The following STX8 variants were observed in gnomAD, a reference collection of about 807,000 sequenced individuals.
STX8 encodes the protein syntaxin-8.
Under a neutral mutation model 37.5 loss-of-function variants are expected in STX8, and 23 were observed. The observed-to-expected ratio is 0.61, with a 90% confidence interval of 0.44 to 0.87. The LOEUF is 0.87. Among genes scored for constraint, STX8 ranks in the 40% least tolerant of loss-of-function variants. The pLI is 0.00. For missense variants in STX8, 313 were observed against 284.7 expected (o/e 1.10, Z -0.71); for synonymous variants, 115 against 99.1 (o/e 1.16, Z -0.95).
intron 6 of STX8, among the ~76,000 whole-genome samples, chr17:9,474,381 C>G (rs529210712): frequency 4.0e-4 from 61 of 152,008 alleles, no homozygotes; most frequent in African/African-American, 1.4e-3. Flanking sequence ...CAGTTTTTTT[C>G]TTTCTTTTTG....
At chr17:9,325,865 G>A (rs3895790) in intron 7 of STX8, among the ~76,000 whole-genome samples, 60 of 152,362 alleles carry the variant, frequency 3.9e-4, no homozygotes, top group African/African-American at 1.3e-3. Context: ...CAGGTGCAAT[G>A]ACTCTGGAGT....
chr17:9,351,249 C>CCAGG (rs1285033261), intron 7 of STX8, among the ~76,000 whole-genome samples: 1 of 148,566 alleles, frequency 6.7e-6, no homozygotes, highest in African/African-American at 2.5e-5. Flanking sequence ...TCTCTGCCTC[C>CCAGG]CAGGTTCAGG....
intron 4 of STX8, among the ~76,000 whole-genome samples, chr17:9,523,469 T>C (rs192167893): frequency 9.3e-5 from 14 of 151,282 alleles, no homozygotes; most frequent in Admixed American, 7.2e-4. Flanking sequence ...TATGAGGGAG[T>C]TGGTGTTCCT....
At chr17:9,306,449 A>G (rs1360436704) in intron 7 of STX8, among the ~76,000 whole-genome samples, 2 of 152,032 alleles carry the variant, frequency 1.3e-5, no homozygotes, top group Non-Finnish European at 2.9e-5. Flanking sequence ...TAAATACTCA[A>G]AATAAAAAAC....
At chr17:9,369,904 AAAAAAAGAAAG>A in intron 7 of STX8, among the ~76,000 whole-genome samples, 1 of 147,078 alleles carries the variant, frequency 6.8e-6, no homozygotes, top group African/African-American at 2.5e-5. Flanking sequence ...AAAAAAAAAA[AAAAAAAGAAAG>A]AAAAAAGAAA....
chr17:9,570,923 A>G (rs558000156), intron 1 of STX8, among the ~76,000 whole-genome samples: 2 of 152,206 alleles, frequency 1.3e-5, no homozygotes, highest in Non-Finnish European at 2.9e-5. Context: ...GGAGGAGCAC[A>G]TTCTAGACTT....
intron 7 of STX8, among the ~76,000 whole-genome samples, chr17:9,290,389 G>T (rs993376586): frequency 3.9e-5 from 6 of 152,138 alleles, no homozygotes. Flanking sequence ...CATGGAACAC[G>T]CAGGTATTGG....
At chr17:9,448,013 A>T (rs1904911619) in intron 6 of STX8, among the ~76,000 whole-genome samples, 1 of 151,838 alleles carries the variant, frequency 6.6e-6, no homozygotes, top group Non-Finnish European at 1.5e-5. Context: ...TGTCTCTACT[A>T]AAAATACAAA....
chr17:9,257,096 T>C (rs1421906885), intron 7 of STX8, among the ~76,000 whole-genome samples: 2 of 152,100 alleles, frequency 1.3e-5, no homozygotes, highest in Non-Finnish European at 2.9e-5. Context: ...GATTTTCCCT[T>C]CCAATACTCA....
At chr17:9,549,533 G>A (rs910554262) in intron 3 of STX8, among the ~76,000 whole-genome samples, 1 of 152,172 alleles carries the variant, frequency 6.6e-6, no homozygotes, top group African/African-American at 2.4e-5. Context: ...CAAACATTCT[G>A]CAGACTTCTC....
At chr17:9,356,142 A>C (rs903685609) in intron 7 of STX8, among the ~76,000 whole-genome samples, 1 of 152,184 alleles carries the variant, frequency 6.6e-6, no homozygotes, top group African/African-American at 2.4e-5. Flanking sequence ...AAAATTACTT[A>C]ATATGTAGGT....
At chr17:9,442,275 C>T (rs973680173) in intron 6 of STX8, among the ~76,000 whole-genome samples, 1 of 152,212 alleles carries the variant, frequency 6.6e-6, no homozygotes, top group South Asian at 2.1e-4. Flanking sequence ...ATCTTCTCAT[C>T]CTAACCACTC....
At chr17:9,553,562 A>G (rs887083604) in intron 3 of STX8, 1 of 152,230 alleles carries the variant, frequency 6.6e-6, no homozygotes, top group African/African-American at 2.4e-5. Flanking sequence ...AAATATTCAC[A>G]TTAAAAAAGT....
At chr17:9,288,385 G>T (rs906553050) in intron 7 of STX8, among the ~76,000 whole-genome samples, 1 of 152,018 alleles carries the variant, frequency 6.6e-6, no homozygotes, top group Non-Finnish European at 1.5e-5. Flanking sequence ...CAATGGGCCG[G>T]GCGCGGTGGC....
chr17:9,420,689 C>T (rs550516736), intron 6 of STX8, among the ~76,000 whole-genome samples: 3 of 152,316 alleles, frequency 2.0e-5, no homozygotes, highest in African/African-American at 7.2e-5. Flanking sequence ...TCCTCATACA[C>T]TCACAACCCA....
intron 6 of STX8, among the ~76,000 whole-genome samples, chr17:9,430,105 T>TTCTATATAATATATATA (rs1913894504): frequency 1.2e-5 from 1 of 85,374 alleles, no homozygotes; most frequent in African/African-American, 4.6e-5. Context: ...AATATATATA[T>TTCTATATAATATATATA]TTTATATATA....
At chr17:9,372,220 C>T (rs1451035723) in intron 7 of STX8, among the ~76,000 whole-genome samples, 1 of 152,054 alleles carries the variant, frequency 6.6e-6, no homozygotes, top group African/African-American at 2.4e-5. Flanking sequence ...ATTTTCCCTC[C>T]CGTCTTTTTC....
chr17:9,358,095 C>G (rs1206717655), intron 7 of STX8, among the ~76,000 whole-genome samples: 1 of 152,122 alleles, frequency 6.6e-6, no homozygotes, highest in Non-Finnish European at 1.5e-5. Flanking sequence ...GTGGCTCACA[C>G]CTGTAAATCC....
At chr17:9,448,201 A>G (rs1052584879) in intron 6 of STX8, among the ~76,000 whole-genome samples, 1 of 151,124 alleles carries the variant, frequency 6.6e-6, no homozygotes, top group African/African-American at 2.4e-5. Flanking sequence ...TTTGATCCTC[A>G]TTATTCATGG....
Sources: allele counts gnomAD v4.1 joint callset (sites outside exome capture counted in the v4.1 genomes callset), GRCh38; gene constraint gnomAD v4.1.1; transcripts MANE v1.5; gene names NCBI Gene and HGNC (gene_info 2026-07-23, HGNC 2026-07-21).